The following COL5A1 variants were observed in gnomAD, a reference collection of about 807,000 sequenced individuals.
COL5A1 encodes the protein collagen alpha-1(V) chain.
In COL5A1, 16 loss-of-function variants were observed where a neutral mutation model predicts 263.7. The ratio of observed to expected loss-of-function variants is 0.06; its 90% CI spans 0.04 to 0.09. The LOEUF is 0.09. COL5A1 is among the 10% of genes least tolerant of loss of function. COL5A1 has a pLI of 1.00. For synonymous variants in COL5A1, 1,012 were observed against 1,004.5 expected (o/e 1.01, Z -0.14); for missense variants, 2,036 against 2,540.5 (o/e 0.80, Z 4.27).
intron 63 of COL5A1, among the ~76,000 whole-genome samples, chr9:134,827,331 A>G (rs563176673): frequency 2.0e-5 from 3 of 152,248 alleles, no homozygotes; most frequent in Admixed American, 6.5e-5. Context: ...ACATGGCTGG[A>G]GATCTGTGGG....
At chr9:134,761,391 C>T (rs922022997) in intron 18 of COL5A1, among the ~76,000 whole-genome samples, 1 of 152,240 alleles carries the variant, frequency 6.6e-6, no homozygotes, top group African/African-American at 2.4e-5. Context: ...TGAGAAGGGG[C>T]TTGGCTGTTG....
At chr9:134,708,042 T>C (rs1176282958) in intron 4 of COL5A1, among the ~76,000 whole-genome samples, 1 of 152,216 alleles carries the variant, frequency 6.6e-6, no homozygotes, top group Non-Finnish European at 1.5e-5. Flanking sequence ...GCCCTGCTGC[T>C]CAGCCTCTGC....
rs1351813397 is a variant in COL5A1, at chr9:134,818,292, C to A, written c.4231-364C>A. 6.6e-6 allele frequency among the ~76,000 whole-genome samples: 1 copy of A among 152,206 alleles called. No homozygotes were observed. Among genetic ancestry groups the A allele is most frequent in the East Asian group, 1.9e-4 (1 of 5,194 alleles). Reference sequence around the variant, plus strand: ...GGCCCAGAGCACACGGGAGGCTATTCTGTCAGTGAGGTGATGGCGGCCCGG... The same window carrying A: ...GGCCCAGAGCACACGGGAGGCTATTATGTCAGTGAGGTGATGGCGGCCCGG... On this transcript the variant is annotated intron_variant, in intron 54 of 65. Coordinates refer to ENST00000371817, the MANE Select transcript of COL5A1 (RefSeq NM_000093.5). The surrounding 1 kb of genome is among the most constrained non-coding windows in gnomAD (Gnocchi z 6.0).
In COL5A1 at chr9:134,698,375, G is replaced by A. The variant is rs79609030; in HGVS notation, c.278-1534G>A. On this transcript the variant is annotated intron_variant, in intron 2 of 65. Coordinates refer to ENST00000371817, the MANE Select transcript of COL5A1 (RefSeq NM_000093.5). ...CTGTCAGTGCCTTAGTGAGAGATTC[G>A]TGACTGCAGGATGAGCCTGCTGCTG... is the stretch of plus-strand genomic sequence containing the variant. Among the ~76,000 whole-genome samples, 611 of 152,388 alleles carry A rather than the reference G, an allele frequency of 4.0e-3. 4 individuals carry two copies. Among genetic ancestry groups the A allele is most frequent in the African/African-American group, 0.014 (564 of 41,594 alleles).
intron 42 of COL5A1, among the ~76,000 whole-genome samples, chr9:134,807,382 C>T (rs1349688940): frequency 6.6e-6 from 1 of 152,212 alleles, no homozygotes; most frequent in Non-Finnish European, 1.5e-5. Context: ...TGACCTCCAC[C>T]TCCTGGGTTC....
chr9:134,753,888 A>C lies in COL5A1; in HGVS notation c.1758A>C (p.Gly586=). 6.2e-7 allele frequency: 1 copy of C among 1,612,360 alleles called. No individual in the cohort carries two copies. Among genetic ancestry groups the C allele is most frequent in the East Asian group, 2.2e-5 (1 of 44,768 alleles). Residue 586 remains glycine, a synonymous_variant, in exon 15 of 66, where the codon GGA becomes GGC. Coordinates refer to ENST00000371817, the MANE Select transcript of COL5A1 (RefSeq NM_000093.5). ...GCGGAGGTTTGAAGGGCGAGCCGGG[A>C]GACGTGGGGCCTCAGGTATGTGGGA... ...PGSGGLKGEP[G]DVGPQGPRGV...
At chr9:134,810,480 C>A in intron 44 of COL5A1, 172 bp downstream of exon 44, 1 of 625,518 alleles carries the variant, frequency 1.6e-6, no homozygotes, top group Non-Finnish European at 2.8e-6. Flanking sequence ...TGTGCACACG[C>A]GTGCATATCT....
Position 134,730,244 on chromosome 9 carries a change from C to A in COL5A1, c.933C>A (p.Thr311=), listed in dbSNP as rs1463532757. 2 of 1,613,762 alleles carry A rather than the reference C, an allele frequency of 1.2e-6. No homozygotes were observed. The highest frequency in any genetic ancestry group is 1.7e-6 in the Non-Finnish European group (2 of 1,180,020). ...KETTEVPEEL[T]PTPTEAAPMP... Reference sequence around the variant, plus strand: ...CTGTCCTTGGCTCCCAGGAGCTGACCCCGACCCCCACGGAAGCTGCTCCCA... The same window carrying A: ...CTGTCCTTGGCTCCCAGGAGCTGACACCGACCCCCACGGAAGCTGCTCCCA... The change falls in exon 7 of 66, where the codon ACC becomes ACA. Residue 311 remains threonine, a synonymous_variant. Transcript: ENST00000371817.
At position 134,809,015 on chromosome 9, in the gene COL5A1, A is replaced by G. The variant is rs1564473220; in HGVS notation, c.3367-168A>G. On this transcript the variant is annotated intron_variant, in intron 42 of 65. Coordinates refer to ENST00000371817, the MANE Select transcript of COL5A1 (RefSeq NM_000093.5). Reference sequence around the variant, plus strand: ...AAGTTCATGGTCCAGGGGCGGGCTCAGAGTCGGCCCTCAGTGGCCCTGGCT... The same window carrying G: ...AAGTTCATGGTCCAGGGGCGGGCTCGGAGTCGGCCCTCAGTGGCCCTGGCT... The G allele has an allele frequency of 1.3e-5, 9 of 684,908 alleles. No homozygotes were observed. The East Asian group carries it at 2.4e-4, about 19-fold the overall frequency. The allele number at this position is 684,908 out of a possible 1,614,324, so 42.4% of individuals were successfully genotyped here.
intron 1 of COL5A1, among the ~76,000 whole-genome samples, chr9:134,664,040 G>C (rs1397322214): frequency 6.6e-6 from 1 of 152,242 alleles, no homozygotes; most frequent in Non-Finnish European, 1.5e-5. Context: ...TGGTGGGAAG[G>C]CAGAGCTTTT....
At position 134,811,596 on chromosome 9, in the gene COL5A1, G is replaced by A. The variant is rs1838527205; in HGVS notation, c.3687G>A (p.Leu1229=). The change falls in exon 46 of 66, where the codon CTG becomes CTA. Residue 1229 remains leucine (L), a synonymous_variant. Coordinates refer to ENST00000371817, the MANE Select transcript of COL5A1 (RefSeq NM_000093.5). ...CTGGACCCCCTGGGCCAGTGGGGCTGCAGGTAACTGTGGGGTTCTCACCAC... is the reference window on the plus strand; with the variant it reads ...CTGGACCCCCTGGGCCAGTGGGGCTACAGGTAACTGTGGGGTTCTCACCAC... The part of the protein sequence containing the change: ...GFPGPPGPVG[L]QGLPGPPGEK... 2 of 1,554,346 alleles carry A rather than the reference G, an allele frequency of 1.3e-6. No homozygotes were observed. The highest frequency in any genetic ancestry group is 1.7e-6 in the Non-Finnish European group (2 of 1,148,188).
intron 48 of COL5A1, among the ~76,000 whole-genome samples, chr9:134,813,579 C>G (rs1838623745): frequency 6.6e-6 from 1 of 152,234 alleles, no homozygotes. Context: ...TGCCACTGTG[C>G]ATGCCCTCTT....
chr9:134,688,674 C>T, intron 1 of COL5A1, among the ~76,000 whole-genome samples: 1 of 152,172 alleles, frequency 6.6e-6, no homozygotes, highest in East Asian at 1.9e-4. Flanking sequence ...TGTTCTGGGT[C>T]CCTGTGCCGC....
Position 134,818,845 on chromosome 9 carries a change from C to T in COL5A1, c.4339-3C>T, listed in dbSNP as rs545993723. The T allele has an allele frequency of 8.1e-6, 13 of 1,613,248 alleles. No homozygotes were observed. In the South Asian group the frequency reaches 1.3e-4, roughly 16 times the overall value. ...ACTCATGCAGAGCGTCTCTGTGTTT[C>T]AGGGAGAACAAGGTCTCCCAGGATC... On this transcript the variant is annotated splice_polypyrimidine_tract_variant and splice_region_variant and intron_variant, in intron 55 of 65. Coordinates refer to ENST00000371817, the MANE Select transcript of COL5A1 (RefSeq NM_000093.5). This position sits in a 1 kb window ranked among gnomAD's most constrained non-coding sequence, Gnocchi z 6.0.
At chr9:134,679,836 G>A (rs1048016017) in intron 1 of COL5A1, among the ~76,000 whole-genome samples, 1 of 151,856 alleles carries the variant, frequency 6.6e-6, no homozygotes, top group Non-Finnish European at 1.5e-5. Context: ...CAGTCCCCTC[G>A]CGAGGCCCCA....
At chr9:134,709,185 A>G (rs1156463575) in intron 4 of COL5A1, 9 of 350,238 alleles carry the variant, frequency 2.6e-5, no homozygotes, top group East Asian at 7.6e-5. Context: ...AGCGTGGAAA[A>G]GGGGTTTTTC....
At chr9:134,748,097 G>GCACA in intron 11 of COL5A1, among the ~76,000 whole-genome samples, 1 of 77,304 alleles carries the variant, frequency 1.3e-5, no homozygotes, top group Non-Finnish European at 3.0e-5. Flanking sequence ...GCACAGACAT[G>GCACA]CATCCACACA....
At chr9:134,766,404 G>T in intron 21 of COL5A1, 50 bp from the exon 22 acceptor site, 1 of 1,586,930 alleles carries the variant, frequency 6.3e-7, no homozygotes, top group East Asian at 2.2e-5. Context: ...TGAGCACTGT[G>T]AGTTCTTTCG....
chr9:134,834,617 C>G (rs1300943718), intron 64 of COL5A1, among the ~76,000 whole-genome samples: 1 of 152,198 alleles, frequency 6.6e-6, no homozygotes, highest in African/African-American at 2.4e-5. Flanking sequence ...GACACTGTGA[C>G]AAACTAAGGT....
Sources: gnomAD v4.1 joint callset for allele counts (sites outside exome capture counted in the v4.1 genomes callset) on GRCh38, gnomAD v4.1.1 for gene constraint, Gnocchi (gnomAD v3.1) non-coding constraint, MANE v1.5 for transcripts, NCBI Gene and HGNC (gene_info 2026-07-23, HGNC 2026-07-21) for gene names.